Variants in PLEKHA4 observed in about 807,000 individuals in gnomAD.
PLEKHA4 encodes pleckstrin homology domain containing A4.
In PLEKHA4, 73 loss-of-function variants were observed where a neutral mutation model predicts 94.7. The observed-to-expected ratio is 0.77, with a 90% confidence interval of 0.64 to 0.94. PLEKHA4 has a LOEUF of 0.94. Among genes scored for constraint, PLEKHA4 ranks in the 40% least tolerant of loss-of-function variants. The pLI is 0.00. For missense variants in PLEKHA4, 1,049 were observed against 1,054.1 expected (o/e 1.00, Z 0.07); for synonymous variants, 449 against 437.1 (o/e 1.03, Z -0.34).
intron 13 of PLEKHA4, among the ~76,000 whole-genome samples, chr19:48,849,023 CTGAG>C (rs1247528294): frequency 6.6e-6 from 1 of 151,986 alleles, no homozygotes; most frequent in African/African-American, 2.4e-5. Flanking sequence ...CCTCAGCCTC[CTGAG>C]TAACTGGGAC....
chr19:48,845,986 G>A (rs899369601), intron 14 of PLEKHA4, among the ~76,000 whole-genome samples: 1 of 149,226 alleles, frequency 6.7e-6, no homozygotes, highest in Non-Finnish European at 1.5e-5. Flanking sequence ...ACTCCAGCCT[G>A]GGCGGCAGAG....
In PLEKHA4 at chr19:48,867,501, C is replaced by G; in HGVS notation, c.84+36G>C. 8.3e-6 allele frequency: 13 copies of G among 1,564,976 alleles called. No individual in the cohort carries two copies. Among genetic ancestry groups the G allele is most frequent in the Non-Finnish European group, 1.1e-5 (13 of 1,155,722 alleles). Reference sequence around the variant, plus strand: ...ACAGAAGGATGGGCGGCCCAGAGCCCCACCTTCCTCCCCATCCCCGCCAGG... The same window carrying G: ...ACAGAAGGATGGGCGGCCCAGAGCCGCACCTTCCTCCCCATCCCCGCCAGG... On this transcript the variant is annotated intron_variant, in intron 2 of 19. Coordinates refer to ENST00000263265, the MANE Select transcript of PLEKHA4 (RefSeq NM_020904.3). The surrounding 1 kb of genome is among the most constrained non-coding windows in gnomAD (Gnocchi z 4.7).
intron 13 of PLEKHA4, among the ~76,000 whole-genome samples, chr19:48,849,332 G>A (rs2036093769): frequency 1.3e-5 from 2 of 150,424 alleles, no homozygotes; most frequent in South Asian, 4.2e-4. Context: ...TTTTTAAGAT[G>A]GAGTCTCTCC....
At chr19:48,850,406 C>T (rs1162300160) in intron 13 of PLEKHA4, among the ~76,000 whole-genome samples, 3 of 150,112 alleles carry the variant, frequency 2.0e-5, no homozygotes, top group African/African-American at 4.9e-5. Flanking sequence ...GGGGAAGCTG[C>T]GGCAGGAGAA....
chr19:48,838,179 G>C (rs1200055043), intron 18 of PLEKHA4, 50 bp from the exon 19 acceptor site: 6 of 1,074,126 alleles, frequency 5.6e-6, no homozygotes, highest in Non-Finnish European at 8.4e-6. Flanking sequence ...TGGGGGAGAG[G>C]TGGGGGATGG....
chr19:48,854,696 CTTTTTTTTTT>C (rs397859722), intron 9 of PLEKHA4, among the ~76,000 whole-genome samples: 5 of 81,322 alleles, frequency 6.1e-5, no homozygotes, highest in Non-Finnish European at 1.1e-4. Context: ...CATGCCTGGC[CTTTTTTTTTT>C]TTTTTTTTTT....
chr19:48,856,910 A>AAAAAG lies in PLEKHA4; in HGVS notation c.1047+511_1047+512insCTTTT, dbSNP rs1385071838. Among the ~76,000 whole-genome samples, 507 of 132,444 alleles carry AAAAAG rather than the reference A, an allele frequency of 3.8e-3. 26 individuals carry two copies. Among genetic ancestry groups the AAAAAG allele is most frequent in the African/African-American group, 0.016 (482 of 29,216 alleles). 86.9% of individuals were successfully genotyped at this position (132,444 alleles called of 152,430 possible). ...AGAGACCCCGTCTCAAAAAAAAAAA[A>AAAAAG]AAAAAAGAAAGAAAGAAAGAAAAGA... On this transcript the variant is annotated intron_variant, in intron 9 of 19. Coordinates refer to ENST00000263265, the MANE Select transcript of PLEKHA4 (RefSeq NM_020904.3).
chr19:48,848,318 C>T, intron 13 of PLEKHA4, among the ~76,000 whole-genome samples: 1 of 149,946 alleles, frequency 6.7e-6, no homozygotes, highest in South Asian at 2.1e-4. Flanking sequence ...AACCCCGTCT[C>T]TACTAAAAAT....
intron 4 of PLEKHA4, 26 bp downstream of exon 4, chr19:48,861,594 C>T (rs1349581752): frequency 1.2e-6 from 2 of 1,613,474 alleles, no homozygotes; most frequent in Non-Finnish European, 1.7e-6. Flanking sequence ...GCCCTCCCAC[C>T]CCAAGCCAGC....
At position 48,867,053 on chromosome 19, in the gene PLEKHA4, C is replaced by T. The variant is rs56104184; in HGVS notation, c.84+484G>A. On this transcript the variant is annotated intron_variant, in intron 2 of 19. Transcript: ENST00000263265. This position sits in a 1 kb window ranked among gnomAD's most constrained non-coding sequence, Gnocchi z 4.7. ...AACTTGAGAAACAATATGTGTGGAA[C>T]GGCAGGAGGAAAAAGAAATGAGTGT... Among the ~76,000 whole-genome samples the T allele has an allele frequency of 0.17, 25,192 of 152,060 alleles. 2,269 individuals are homozygous for T. Among genetic ancestry groups the T allele is most frequent in the Non-Finnish European group, 0.19 (12,703 of 67,960 alleles).
intron 14 of PLEKHA4, among the ~76,000 whole-genome samples, chr19:48,846,356 C>T (rs567787797): frequency 6.6e-6 from 1 of 151,154 alleles, no homozygotes; most frequent in South Asian, 2.1e-4. Flanking sequence ...GAGGCTGAGG[C>T]AGGAGAATGG....
Position 48,859,169 on chromosome 19 carries a change from G to T in PLEKHA4, c.693-30C>A, listed in dbSNP as rs769788743. ...GGGAAGGAGAGAATCGGGGAACTGA[G>T]TCAACTAGAGCCCTCTCCATCCACC... On this transcript the variant is annotated intron_variant, in intron 7 of 19. Transcript: ENST00000263265. 2.0e-6 allele frequency: 3 copies of T among 1,485,702 alleles called. No individual in the cohort carries two copies. In the African/African-American group the frequency reaches 4.2e-5, roughly 21 times the overall value. 92.0% of individuals were successfully genotyped at this position (1,485,702 alleles called of 1,614,324 possible).
chr19:48,844,580 G>T, intron 16 of PLEKHA4: 6 of 985,274 alleles, frequency 6.1e-6, no homozygotes, highest in Non-Finnish European at 7.2e-6. Flanking sequence ...ATGGTCACAT[G>T]CTTCTGAGGG....
At chr19:48,855,264 A>G (rs1304707995) in intron 9 of PLEKHA4, among the ~76,000 whole-genome samples, 1 of 150,992 alleles carries the variant, frequency 6.6e-6, no homozygotes, top group Non-Finnish European at 1.5e-5. Context: ...GTTAAAGACC[A>G]GTCTGGGCAA....
chr19:48,854,140 G>A, intron 10 of PLEKHA4, 53 bp from the exon 11 acceptor site: 2 of 1,612,878 alleles, frequency 1.2e-6, no homozygotes, highest in South Asian at 2.2e-5. Flanking sequence ...CTCTTCCCCT[G>A]CCGCTCCTCC....
At position 48,865,581 on chromosome 19, in the gene PLEKHA4, G is replaced by A. The variant is rs764143211; in HGVS notation, c.114C>T (p.His38=). The change falls in exon 3 of 20, where the codon CAC becomes CAT. Residue 38 remains histidine (H), a synonymous_variant. Transcript: ENST00000263265. The part of the protein sequence containing the change: ...KKPTRAVNKI[H]AFGKRGNALR... ...GCGCATTGCCTCTCTTCCCAAAGGC[G>A]TGGATCTTGTTTACTGCCCGGGTGG... 3.3e-5 allele frequency: 53 copies of A among 1,613,920 alleles called. No homozygotes were observed. The highest frequency in any genetic ancestry group is 8.3e-5 in the Admixed American group (5 of 59,968).
At chr19:48,863,177 C>A (rs948339949) in intron 3 of PLEKHA4, among the ~76,000 whole-genome samples, 3 of 152,222 alleles carry the variant, frequency 2.0e-5, no homozygotes, top group African/African-American at 7.2e-5. Flanking sequence ...ACGTGAGTCC[C>A]CTTTTCAAAA....
intron 14 of PLEKHA4, 148 bp downstream of exon 14, chr19:48,847,752 A>G: frequency 1.1e-6 from 1 of 948,582 alleles, no homozygotes; most frequent in South Asian, 2.9e-5. Flanking sequence ...CCGAAAAAAA[A>G]GAAAACAAAG....
At position 48,857,616 on chromosome 19, in the gene PLEKHA4, C is replaced by T. The variant is rs943992468; in HGVS notation, c.973-120G>A. Reference sequence around the variant, plus strand: ...GATCCTGTTGATCTATGACCTTACCCCCAACCCTGTGCTCTCTGAAACATG... The same window carrying T: ...GATCCTGTTGATCTATGACCTTACCTCCAACCCTGTGCTCTCTGAAACATG... On this transcript the variant is annotated intron_variant, in intron 8 of 19. Transcript: ENST00000263265. 4.6e-6 allele frequency: 3 copies of T among 646,394 alleles called. No homozygotes were observed. In the African/African-American group the frequency reaches 5.7e-5, roughly 12 times the overall value. 40.0% of individuals were successfully genotyped at this position (646,394 alleles called of 1,614,324 possible). A position where few individuals can be genotyped will look rare whatever the true frequency, so the allele number is the denominator to read the frequency against.
Sources: gnomAD v4.1 joint callset for allele counts (sites outside exome capture counted in the v4.1 genomes callset) on GRCh38, gnomAD v4.1.1 for gene constraint, Gnocchi (gnomAD v3.1) non-coding constraint, MANE v1.5 for transcripts, NCBI Gene and HGNC (gene_info 2026-07-23, HGNC 2026-07-21) for gene names.